Variants in TET3 observed in about 807,000 individuals in gnomAD.
TET3 encodes the protein methylcytosine dioxygenase TET3.
In TET3, 19 loss-of-function variants were observed where a neutral mutation model predicts 141.4. That is an observed-to-expected ratio of 0.13 (90% CI 0.09 to 0.20). The LOEUF is 0.20. Among genes scored for constraint, TET3 ranks in the 10% least tolerant of loss-of-function variants. The pLI, the probability that TET3 is intolerant of heterozygous loss-of-function variation, is 1.00. For synonymous variants in TET3, 1,043 were observed against 980.9 expected (o/e 1.06, Z -1.18); for missense variants, 1,874 against 2,356.9 (o/e 0.80, Z 4.24).
chr2:74,072,261 C>A (rs1340117025), intron 4 of TET3, among the ~76,000 whole-genome samples: 4 of 152,120 alleles, frequency 2.6e-5, no homozygotes, highest in African/African-American at 4.8e-5. Context: ...GCCTGTAATC[C>A]CAGCACTTTG....
At chr2:74,080,427 G>C in intron 5 of TET3, 71 bp from the exon 6 acceptor site, 1 of 1,369,096 alleles carries the variant, frequency 7.3e-7, no homozygotes. Context: ...CACTGAGGCT[G>C]TCTTCTGACC....
At chr2:74,129,419 G>A in the TET3 span, among the ~76,000 whole-genome samples, 1 of 150,804 alleles carries the variant, frequency 6.6e-6, no homozygotes, top group African/African-American at 2.4e-5. Context: ...GATCACCTGA[G>A]GTCAGGCGTT....
At chr2:74,061,335 C>T (rs1260983359) in intron 4 of TET3, among the ~76,000 whole-genome samples, 1 of 136,004 alleles carries the variant, frequency 7.4e-6, no homozygotes, top group Non-Finnish European at 1.6e-5. Flanking sequence ...AGGCGCCCCT[C>T]ACCTCCCGGA....
At chr2:74,032,767 A>G (rs4416242) in intron 3 of TET3, among the ~76,000 whole-genome samples, 1 of 151,950 alleles carries the variant, frequency 6.6e-6, no homozygotes, top group Admixed American at 6.6e-5. Flanking sequence ...CAGAGCAGCC[A>G]GCAGCTGTGC....
intron 4 of TET3, among the ~76,000 whole-genome samples, chr2:74,063,573 A>G (rs549567288): frequency 4.0e-4 from 60 of 151,772 alleles, no homozygotes; most frequent in Middle Eastern, 3.4e-3. Context: ...CAAATGCTGC[A>G]TGATTCCACT....
At chr2:74,085,138 A>C (rs72907195) in intron 6 of TET3, among the ~76,000 whole-genome samples, 8,407 of 148,180 alleles carry the variant, frequency 0.057, 788 homozygotes, top group African/African-American at 0.2. Context: ...TTGTTCGTAT[A>C]TTTTTCCACA....
chr2:74,029,476 A>G (rs576638217), intron 3 of TET3, among the ~76,000 whole-genome samples: 1 of 152,330 alleles, frequency 6.6e-6, no homozygotes, highest in African/African-American at 2.4e-5. Flanking sequence ...TTAAAAATGA[A>G]ATTCTTGAAG....
At chr2:73,985,412 G>GGCGC (rs1399809536) in intron 1 of TET3, among the ~76,000 whole-genome samples, 1 of 144,858 alleles carries the variant, frequency 6.9e-6, no homozygotes. Context: ...CCCGAGCGGC[G>GGCGC]GCGCGCGCGC....
At chr2:74,117,755 TA>T in the TET3 span, among the ~76,000 whole-genome samples, 1 of 133,146 alleles carries the variant, frequency 7.5e-6, no homozygotes, top group African/African-American at 3.1e-5. Context: ...CTATTATATA[TA>T]TTTTTTTATA....
the TET3 span, among the ~76,000 whole-genome samples, chr2:74,132,295 A>G: frequency 8.5e-5 from 13 of 152,126 alleles, no homozygotes; most frequent in Non-Finnish European, 1.9e-4. Context: ...GGGAACTCCA[A>G]AAGAAAGTTT....
chr2:74,086,671 T>TC (rs1264267929), intron 6 of TET3, among the ~76,000 whole-genome samples: 1 of 151,434 alleles, frequency 6.6e-6, no homozygotes, highest in Non-Finnish European at 1.5e-5. Context: ...GTGTCTGTAG[T>TC]CCCGGGTACT....
chr2:74,003,777 G>A (rs1423346297), intron 3 of TET3, among the ~76,000 whole-genome samples: 1 of 151,174 alleles, frequency 6.6e-6, no homozygotes, highest in Non-Finnish European at 1.5e-5. Context: ...GGTGTCTAGG[G>A]GACTGGGAAG....
At chr2:74,078,217 T>C (rs891642553) in intron 5 of TET3, among the ~76,000 whole-genome samples, 5 of 152,206 alleles carry the variant, frequency 3.3e-5, no homozygotes, top group East Asian at 3.8e-4. Flanking sequence ...AAAAAAATTA[T>C]AAACTGTTCT....
chr2:74,120,133 T>A, the TET3 span, among the ~76,000 whole-genome samples: 1 of 152,210 alleles, frequency 6.6e-6, no homozygotes, highest in Non-Finnish European at 1.5e-5. Flanking sequence ...TCCAGGTTCT[T>A]CCCTGGGTGC....
chr2:74,046,305 G>A lies in TET3; in HGVS notation c.388G>A (p.Gly130Arg). 1 of 1,512,562 alleles carries A rather than the reference G, an allele frequency of 6.6e-7. No homozygotes were observed. The highest frequency in any genetic ancestry group is 8.8e-7 in the Non-Finnish European group (1 of 1,131,436). 93.7% of individuals were successfully genotyped at this position (1,512,562 alleles called of 1,614,324 possible). ...KTGSELSPVD[G>R]PVPGQMDSGP... ...AGGCTCAGAGCTCAGCCCAGTTGAT[G>A]GACCTGTTCCAGGTCAGATGGACTC... The change falls in exon 4 of 12, where the codon GGA (glycine) becomes AGA (arginine). Residue 130 changes from glycine to arginine, a missense_variant. Transcript: ENST00000409262. This position sits in a 1 kb window ranked among gnomAD's most constrained non-coding sequence, Gnocchi z 4.3.
rs1420750019 is a variant in TET3 at position 74,087,218 on chromosome 2, A to G, written c.2680-612A>G. 6.6e-6 allele frequency among the ~76,000 whole-genome samples: 1 copy of G among 152,144 alleles called. No individual in the cohort carries two copies. Among genetic ancestry groups the G allele is most frequent in the Non-Finnish European group, 1.5e-5 (1 of 68,030 alleles). ...CCACGTCGTACTTACCTGTTCATCA[A>G]CCGATGGACCCTGGGGGTGCTTCCA... On this transcript the variant is annotated intron_variant, in intron 6 of 11. Coordinates refer to ENST00000409262, the MANE Select transcript of TET3 (RefSeq NM_001287491.2). The surrounding 1 kb of genome is among the most constrained non-coding windows in gnomAD (Gnocchi z 4.3).
At chr2:74,095,500 T>C (rs1297153371) in intron 10 of TET3, among the ~76,000 whole-genome samples, 1 of 152,246 alleles carries the variant, frequency 6.6e-6, no homozygotes, top group African/African-American at 2.4e-5. Context: ...TTTTTAAAAA[T>C]TTAAATAATA....
At chr2:74,132,748 G>C in the TET3 span, among the ~76,000 whole-genome samples, 1 of 152,168 alleles carries the variant, frequency 6.6e-6, no homozygotes, top group Non-Finnish European at 1.5e-5. Flanking sequence ...CTGTATGGCA[G>C]ATGCCAATCT....
At chr2:74,058,923 TA>T (rs1395063836) in intron 4 of TET3, among the ~76,000 whole-genome samples, 1 of 152,260 alleles carries the variant, frequency 6.6e-6, no homozygotes, top group Non-Finnish European at 1.5e-5. Flanking sequence ...TCAGAGTCTG[TA>T]AAGTTTTATG....
Sources: allele counts gnomAD v4.1 joint callset (sites outside exome capture counted in the v4.1 genomes callset), GRCh38; gene constraint gnomAD v4.1.1; non-coding constraint Gnocchi (gnomAD v3.1); transcripts MANE v1.5; gene names NCBI Gene and HGNC (gene_info 2026-07-23, HGNC 2026-07-21).